The following ROBO2 variants were observed in gnomAD, a reference collection of about 807,000 sequenced individuals.
ROBO2 encodes roundabout homolog 2.
In ROBO2, 53 loss-of-function variants were observed where a neutral mutation model predicts 160.8. That is an observed-to-expected ratio of 0.33 (90% CI 0.26 to 0.41). ROBO2 has a LOEUF of 0.41. Among genes scored for constraint, ROBO2 ranks in the 10% least tolerant of loss-of-function variants. The probability of loss-of-function intolerance (pLI) is 1.00; values close to 1 mark genes in which losing one functional copy is unlikely to be tolerated. For synonymous variants in ROBO2, 664 were observed against 611.7 expected (o/e 1.09, Z -1.26); for missense variants, 1,577 against 1,722.4 (o/e 0.92, Z 1.49).
chr3:76,622,128 G>A (rs1330327616), intron 2 of ROBO2, among the ~76,000 whole-genome samples: 1 of 151,262 alleles, frequency 6.6e-6, no homozygotes, highest in Admixed American at 6.6e-5. Flanking sequence ...AGGACTGATT[G>A]GGCTCTAGAG....
At chr3:77,467,803 T>C (rs1367526287) in intron 2 of ROBO2, among the ~76,000 whole-genome samples, 1 of 151,644 alleles carries the variant, frequency 6.6e-6, no homozygotes, top group Non-Finnish European at 1.5e-5. Context: ...TTGACTGTAT[T>C]ATATCTTCTA....
intron 2 of ROBO2, among the ~76,000 whole-genome samples, chr3:76,259,816 G>A (rs6549854): frequency 0.91 from 138,201 of 152,084 alleles, 63,121 homozygotes; most frequent in Middle Eastern, 0.98. Context: ...AGAAAGACCC[G>A]AGTGAACAGG....
chr3:77,124,869 C>T (rs1045874816), intron 2 of ROBO2, among the ~76,000 whole-genome samples: 1 of 151,890 alleles, frequency 6.6e-6, no homozygotes, highest in African/African-American at 2.4e-5. Context: ...TCTTCTTACT[C>T]TCTATCTTTA....
intron 2 of ROBO2, among the ~76,000 whole-genome samples, chr3:76,928,297 G>A (rs1577557262): frequency 6.6e-6 from 1 of 152,088 alleles, no homozygotes; most frequent in Non-Finnish European, 1.5e-5. Flanking sequence ...TTCTAGAAAG[G>A]AAAGCAGCCC....
intron 2 of ROBO2, among the ~76,000 whole-genome samples, chr3:76,190,168 C>T (rs1250203418): frequency 6.6e-6 from 1 of 152,058 alleles, no homozygotes; most frequent in African/African-American, 2.4e-5. Context: ...ATATTCTTGA[C>T]AATTTTTCAT....
At chr3:76,699,796 A>G (rs2093009383) in intron 2 of ROBO2, among the ~76,000 whole-genome samples, 1 of 152,158 alleles carries the variant, frequency 6.6e-6, no homozygotes, top group Non-Finnish European at 1.5e-5. Flanking sequence ...TTTGCAGCTA[A>G]CACTGACCTT....
intron 2 of ROBO2, among the ~76,000 whole-genome samples, chr3:76,337,015 T>C (rs2073937371): frequency 6.6e-6 from 1 of 152,162 alleles, no homozygotes; most frequent in Admixed American, 6.5e-5. Flanking sequence ...TTCTGGGGCT[T>C]TGTAGAGAAA....
At chr3:77,276,611 C>A (rs1221774117) in intron 2 of ROBO2, among the ~76,000 whole-genome samples, 2 of 152,136 alleles carry the variant, frequency 1.3e-5, no homozygotes, top group Admixed American at 1.3e-4. Flanking sequence ...GCATAGCCAG[C>A]CATGGTGGCA....
intron 2 of ROBO2, among the ~76,000 whole-genome samples, chr3:77,374,742 GACTGAATT>G (rs2072387824): frequency 6.6e-6 from 1 of 152,162 alleles, no homozygotes. Context: ...GAGATGTACT[GACTGAATT>G]ACTCTTAGTT....
chr3:77,327,746 T>TA (rs1378712745), intron 2 of ROBO2, among the ~76,000 whole-genome samples: 2 of 151,982 alleles, frequency 1.3e-5, no homozygotes, highest in Non-Finnish European at 1.5e-5. Flanking sequence ...CTATCTGTAT[T>TA]AAAAAACATT....
chr3:76,074,394 A>G (rs1036418567), intron 2 of ROBO2, among the ~76,000 whole-genome samples: 5 of 152,230 alleles, frequency 3.3e-5, no homozygotes, highest in African/African-American at 1.2e-4. Flanking sequence ...GAAGAAGAGC[A>G]CCATGGTTTG....
chr3:76,498,082 T>G (rs2107606806), intron 2 of ROBO2, among the ~76,000 whole-genome samples: 1 of 152,294 alleles, frequency 6.6e-6, no homozygotes, highest in South Asian at 2.1e-4. Flanking sequence ...AAGAAAAAAT[T>G]TTCAGTGGTA....
rs767988628 is a variant in ROBO2, at chr3:76,811,775, C to CTCCT, written c.110-286180_110-286177dup. Among the ~76,000 whole-genome samples, 96 of 96,914 alleles carry CTCCT rather than the reference C, an allele frequency of 9.9e-4. 3 individuals carry two copies. The highest frequency in any genetic ancestry group is 2.0e-3 in the African/African-American group (48 of 23,990). The allele number at this position is 96,914 out of a possible 152,430, so 63.6% of individuals were successfully genotyped here. On this transcript the variant is annotated intron_variant, in intron 2 of 26. Transcript: ENST00000487694. ...TGCTTAATTACCTTTCTCTCTTTCC[C>CTCCT]TCCTTCCTTCCTTCCTTCCTTCCTT...
chr3:77,401,414 G>A (rs1186405001), intron 2 of ROBO2, among the ~76,000 whole-genome samples: 1 of 152,102 alleles, frequency 6.6e-6, no homozygotes, highest in Non-Finnish European at 1.5e-5. Flanking sequence ...GTATTTTTAT[G>A]TGAATTTTCA....
intron 2 of ROBO2, among the ~76,000 whole-genome samples, chr3:76,809,173 A>G (rs979694675): frequency 4.6e-5 from 7 of 152,170 alleles, no homozygotes; most frequent in African/African-American, 1.7e-4. Context: ...TCCAAGCAAG[A>G]CTTAGCTGGC....
intron 2 of ROBO2, among the ~76,000 whole-genome samples, chr3:77,322,648 G>A (rs961537185): frequency 6.7e-6 from 1 of 149,916 alleles, no homozygotes; most frequent in Non-Finnish European, 1.5e-5. Flanking sequence ...TTGGTTGGAT[G>A]GACTATATTT....
rs114962857 is a variant in ROBO2, at chr3:77,189,743, A to G, written c.388+91403A>G. Among the ~76,000 whole-genome samples the G allele has an allele frequency of 3.6e-3, 547 of 152,062 alleles. 1 individual carries two copies. Among genetic ancestry groups the G allele is most frequent in the African/African-American group, 0.012 (518 of 41,564 alleles). On this transcript the variant is annotated intron_variant, in intron 2 of 25. Transcript: ENST00000461745. Reference sequence around the variant, plus strand: ...CAAAAACTATTTCGATAGAACAGCAATGTATCTGTAGTTGTATCTTTACTT... The same window carrying G: ...CAAAAACTATTTCGATAGAACAGCAGTGTATCTGTAGTTGTATCTTTACTT...
chr3:76,041,058 C>A (rs952652667), intron 2 of ROBO2, among the ~76,000 whole-genome samples: 1 of 151,992 alleles, frequency 6.6e-6, no homozygotes, highest in African/African-American at 2.4e-5. Flanking sequence ...AGATTTCCAA[C>A]ACAGATTGGT....
At chr3:76,782,187 G>T (rs1454702665) in intron 2 of ROBO2, among the ~76,000 whole-genome samples, 2 of 150,586 alleles carry the variant, frequency 1.3e-5, no homozygotes, top group African/African-American at 2.4e-5. Flanking sequence ...TCACATATTT[G>T]TGAATTATCT....
Sources: gnomAD v4.1 joint callset for allele counts (sites outside exome capture counted in the v4.1 genomes callset) on GRCh38, gnomAD v4.1.1 for gene constraint, MANE v1.5 for transcripts, NCBI Gene and HGNC (gene_info 2026-07-23, HGNC 2026-07-21) for gene names.